The following PHC2 variants were observed in gnomAD, a reference collection of about 807,000 sequenced individuals.
The protein encoded by PHC2 is polyhomeotic homolog 2.
Under a neutral mutation model 87.4 loss-of-function variants are expected in PHC2, and 29 were observed. That is an observed-to-expected ratio of 0.33 (90% CI 0.25 to 0.45). The LOEUF (loss-of-function observed/expected upper bound fraction) is 0.45. Ranked by LOEUF, PHC2 falls within the 20% of genes least tolerant of loss-of-function variation. PHC2 has a pLI of 1.00. For synonymous variants in PHC2, 438 were observed against 461.7 expected (o/e 0.95, Z 0.66); for missense variants, 857 against 1,136.7 (o/e 0.75, Z 3.54).
At chr1:33,377,653 A>G (rs761800467) in intron 1 of PHC2, among the ~76,000 whole-genome samples, 1 of 151,888 alleles carries the variant, frequency 6.6e-6, no homozygotes, top group Non-Finnish European at 1.5e-5. Flanking sequence ...ACCCCATCAC[A>G]CACATTCAGT....
rs191866954 is a variant in PHC2 at position 33,402,947 on chromosome 1, T to G, written c.-54-27354A>C. Among the ~76,000 whole-genome samples the G allele has an allele frequency of 8.2e-3, 1,251 of 152,078 alleles. 21 individuals carry two copies. Among genetic ancestry groups the G allele is most frequent in the African/African-American group, 0.029 (1,199 of 41,480 alleles). ...CCTCAGCCTCCCAAGTATCTGGGACTACAGGCGCCTGCCACCACGCCCGAC... is the reference window on the plus strand; with the variant it reads ...CCTCAGCCTCCCAAGTATCTGGGACGACAGGCGCCTGCCACCACGCCCGAC... On this transcript the variant is annotated intron_variant, in intron 1 of 14. Coordinates refer to ENST00000683057, the MANE Select transcript of PHC2 (RefSeq NM_001385109.1).
rs935501736 is a variant in PHC2 at position 33,345,919 on chromosome 1, C to T, written c.1558+8482G>A. The stretch of plus-strand genomic sequence containing the variant: ...AAATAAGTCATTGCTTCAAGTGAAG[C>T]CTACCTCTGTTTGAGTTGTGAATAA... On this transcript the variant is annotated intron_variant, in intron 9 of 14. Coordinates refer to ENST00000683057, the MANE Select transcript of PHC2 (RefSeq NM_001385109.1). 16 of 985,018 alleles carry T rather than the reference C, an allele frequency of 1.6e-5. No individual in the cohort carries two copies. In the African/African-American group the frequency reaches 1.9e-4, roughly 12 times the overall value. The allele number at this position is 985,018 out of a possible 1,614,324, so 61.0% of individuals were successfully genotyped here.
chr1:33,338,817 G>T (rs1180079739), intron 9 of PHC2, among the ~76,000 whole-genome samples: 1 of 152,172 alleles, frequency 6.6e-6, no homozygotes, highest in African/African-American at 2.4e-5. Flanking sequence ...ACCGAAAGGT[G>T]GAGGCAGGAT....
At chr1:33,392,601 T>C (rs1649115998) in intron 1 of PHC2, 1 of 152,196 alleles carries the variant, frequency 6.6e-6, no homozygotes, top group African/African-American at 2.4e-5. Flanking sequence ...CCCTCCTAGC[T>C]TTGCCATTAT....
At chr1:33,426,789 A>T (rs1334413080) in intron 1 of PHC2, among the ~76,000 whole-genome samples, 1 of 152,194 alleles carries the variant, frequency 6.6e-6, no homozygotes, top group Non-Finnish European at 1.5e-5. Flanking sequence ...ACAGCACAAA[A>T]TGCTTTCCTA....
chr1:33,368,669 AC>A lies in PHC2; in HGVS notation c.577-48del. ...GCCGCCTAGGCTCCTAGCTACCTGC[AC>A]CAGGTTACCTGGCTGGGCCTGGAAT... is the stretch of plus-strand genomic sequence containing the variant. On this transcript the variant is annotated intron_variant, in intron 5 of 14. Coordinates refer to ENST00000683057, the MANE Select transcript of PHC2 (RefSeq NM_001385109.1). This position sits in a 1 kb window ranked among gnomAD's most constrained non-coding sequence, Gnocchi z 6.6. The A allele has an allele frequency of 7.3e-7, 1 of 1,375,770 alleles. No individual in the cohort carries two copies. The highest frequency in any genetic ancestry group is 1.0e-6 in the Non-Finnish European group (1 of 986,448). The allele number at this position is 1,375,770 out of a possible 1,614,324, so 85.2% of individuals were successfully genotyped here. A position where few individuals can be genotyped will look rare whatever the true frequency, so the allele number is the denominator to read the frequency against.
intron 9 of PHC2, among the ~76,000 whole-genome samples, chr1:33,340,095 T>C (rs1242445073): frequency 6.6e-6 from 1 of 152,212 alleles, no homozygotes; most frequent in Non-Finnish European, 1.5e-5. Flanking sequence ...CTCACCTTGG[T>C]CAATGGCTGA....
Position 33,347,505 on chromosome 1 carries a change from C to T in PHC2, c.1558+6896G>A, listed in dbSNP as rs145138111. 9.2e-5 allele frequency: 91 copies of T among 985,106 alleles called. No homozygotes were observed. The African/African-American group carries it at 1.5e-3, about 16-fold the overall frequency. The allele number at this position is 985,106 out of a possible 1,614,324, so 61.0% of individuals were successfully genotyped here. On this transcript the variant is annotated intron_variant, in intron 9 of 14. Transcript: ENST00000683057. Reference sequence around the variant, plus strand: ...AGTGGAAAGGGCCAGGAGGTGGGGACATGATGAAACACCAACATTCATTAA... The same window carrying T: ...AGTGGAAAGGGCCAGGAGGTGGGGATATGATGAAACACCAACATTCATTAA...
chr1:33,404,462 A>G (rs898468442), intron 1 of PHC2, among the ~76,000 whole-genome samples: 9 of 152,234 alleles, frequency 5.9e-5, no homozygotes, highest in African/African-American at 2.2e-4. Flanking sequence ...CCAAAACACA[A>G]CAGCAATACT....
In PHC2 at chr1:33,382,071, T is replaced by C. The variant is rs1052836256; in HGVS notation, c.-54-6478A>G. On this transcript the variant is annotated intron_variant, in intron 1 of 14. Transcript: ENST00000683057. This position sits in a 1 kb window ranked among gnomAD's most constrained non-coding sequence, Gnocchi z 4.3. ...GCAGAGAAACCAGAAGCTAGGGTCCTGCCATATGTCACTTTATTGTTGGTC... is the reference window on the plus strand; with the variant it reads ...GCAGAGAAACCAGAAGCTAGGGTCCCGCCATATGTCACTTTATTGTTGGTC... Among the ~76,000 whole-genome samples, 3 of 152,190 alleles carry C rather than the reference T, an allele frequency of 2.0e-5. No homozygotes were observed. The highest frequency in any genetic ancestry group is 7.2e-5 in the African/African-American group (3 of 41,436).
At chr1:33,394,775 G>T (rs1340554679) in intron 1 of PHC2, among the ~76,000 whole-genome samples, 1 of 152,086 alleles carries the variant, frequency 6.6e-6, no homozygotes, top group African/African-American at 2.4e-5. Context: ...TTGCTTTCCT[G>T]CCCAGGCTGG....
intron 1 of PHC2, among the ~76,000 whole-genome samples, chr1:33,387,378 G>A (rs1373220601): frequency 6.6e-6 from 1 of 152,172 alleles, no homozygotes; most frequent in Non-Finnish European, 1.5e-5. Flanking sequence ...CCTATAAGGA[G>A]ACTAAAGGAA....
chr1:33,344,332 A>G (rs947195189), intron 9 of PHC2, among the ~76,000 whole-genome samples: 1 of 152,212 alleles, frequency 6.6e-6, no homozygotes, highest in Admixed American at 6.5e-5. Flanking sequence ...TTGGTTATCA[A>G]CTGCAGCATC....
chr1:33,393,982 A>G (rs1316884606), intron 1 of PHC2, among the ~76,000 whole-genome samples: 1 of 152,218 alleles, frequency 6.6e-6, no homozygotes, highest in Non-Finnish European at 1.5e-5. Context: ...AGAACTGTCA[A>G]TCTGCCTTTG....
At chr1:33,404,828 T>C (rs986926895) in intron 1 of PHC2, among the ~76,000 whole-genome samples, 19 of 152,164 alleles carry the variant, frequency 1.2e-4, no homozygotes, top group African/African-American at 2.9e-4. Flanking sequence ...CTCTCTTAGA[T>C]TGAGTGGTCA....
chr1:33,334,084 C>T lies in PHC2; in HGVS notation c.1761+6G>A, dbSNP rs749353930. 6.3e-7 allele frequency: 1 copy of T among 1,595,902 alleles called. No homozygotes were observed. Among genetic ancestry groups the T allele is most frequent in the Admixed American group, 1.8e-5 (1 of 55,222 alleles). On this transcript the variant is annotated splice_donor_region_variant and intron_variant, in intron 10 of 14. Coordinates refer to ENST00000683057, the MANE Select transcript of PHC2 (RefSeq NM_001385109.1). The surrounding 1 kb of genome is among the most constrained non-coding windows in gnomAD (Gnocchi z 5.5). The stretch of plus-strand genomic sequence containing the variant: ...AAAAAAAAAGGGGAAAAGAAGTAGT[C>T]CGTACCGGGAAAGGCTCCGCCCCCT...
intron 1 of PHC2, among the ~76,000 whole-genome samples, chr1:33,413,609 A>AAT: frequency 6.6e-6 from 1 of 152,358 alleles, no homozygotes; most frequent in South Asian, 2.1e-4. Context: ...GTAAGTTTAA[A>AAT]AGACAGTTGC....
At chr1:33,408,804 C>T (rs1649871771) in intron 1 of PHC2, among the ~76,000 whole-genome samples, 1 of 152,088 alleles carries the variant, frequency 6.6e-6, no homozygotes, top group Non-Finnish European at 1.5e-5. Context: ...CATCCTTTCT[C>T]TAGGACCTGG....
Position 33,389,059 on chromosome 1 carries a change from T to TAAA in PHC2, c.-54-13469_-54-13467dup, listed in dbSNP as rs72505785. Among the ~76,000 whole-genome samples the TAAA allele has an allele frequency of 1.6e-3, 214 of 137,868 alleles. 2 individuals are homozygous for TAAA. The highest frequency in any genetic ancestry group is 0.011 in the Admixed American group (148 of 13,710). The allele number at this position is 137,868 out of a possible 152,430, so 90.4% of individuals were successfully genotyped here. On this transcript the variant is annotated intron_variant, in intron 1 of 14. Coordinates refer to ENST00000683057, the MANE Select transcript of PHC2 (RefSeq NM_001385109.1). ...TCTCAAGTCCAAGAAATGTTCTTGT[T>TAAA]AAAAAAAAAAAAAAAAGAAAGAAAG...
Sources: allele counts gnomAD v4.1 joint callset (sites outside exome capture counted in the v4.1 genomes callset), GRCh38; gene constraint gnomAD v4.1.1; non-coding constraint Gnocchi (gnomAD v3.1); transcripts MANE v1.5; gene names NCBI Gene and HGNC (gene_info 2026-07-23, HGNC 2026-07-21).